Variants in DIP2B observed in about 807,000 individuals in gnomAD.
DIP2B encodes DIP2 acetate--CoA ligase B (putative), also known as disco-interacting protein 2 homolog B.
A neutral mutation model predicts 198.0 loss-of-function variants in DIP2B; 76 were observed. That is an observed-to-expected ratio of 0.38 (90% CI 0.32 to 0.46). The LOEUF (loss-of-function observed/expected upper bound fraction) is 0.46. DIP2B is among the 20% of genes least tolerant of loss of function. The probability of loss-of-function intolerance (pLI) is 0.99; values close to 1 mark genes in which losing one functional copy is unlikely to be tolerated. For synonymous variants in DIP2B, 701 were observed against 739.1 expected (o/e 0.95, Z 0.84); for missense variants, 1,559 against 1,978.4 (o/e 0.79, Z 4.02).
intron 2 of DIP2B, 120 bp downstream of exon 2, chr12:50,626,167 A>G (rs1937930858): frequency 9.2e-6 from 9 of 982,102 alleles, no homozygotes; most frequent in Admixed American, 2.6e-5. Flanking sequence ...CAGGGGAGAG[A>G]AAAAAACGGA....
chr12:50,708,293 C>T (rs751330755), intron 21 of DIP2B, among the ~76,000 whole-genome samples, 155 bp from the exon 22 acceptor site: 10 of 152,196 alleles, frequency 6.6e-5, no homozygotes, highest in Non-Finnish European at 1.2e-4. Context: ...TGAATGAATG[C>T]TCATTTTGAG....
chr12:50,572,231 T>C (rs1008128002), intron 1 of DIP2B, among the ~76,000 whole-genome samples: 1 of 152,236 alleles, frequency 6.6e-6, no homozygotes, highest in African/African-American at 2.4e-5. Context: ...TGTGTTGATA[T>C]AAAAATATTA....
chr12:50,701,451 G>T (rs933578595), intron 19 of DIP2B, among the ~76,000 whole-genome samples: 1 of 152,136 alleles, frequency 6.6e-6, no homozygotes, highest in Non-Finnish European at 1.5e-5. Flanking sequence ...GTGCAATCTC[G>T]GCTCACTGCA....
At chr12:50,579,170 A>G (rs1313732697) in intron 1 of DIP2B, among the ~76,000 whole-genome samples, 2 of 152,180 alleles carry the variant, frequency 1.3e-5, no homozygotes. Flanking sequence ...TAAATGAGAG[A>G]TAAACTATGG....
Position 50,739,557 on chromosome 12 carries a change from G to A in DIP2B, c.4325G>A (p.Arg1442His), listed in dbSNP as rs751662152. The change falls in exon 36 of 38, where the codon CGC (arginine) becomes CAC (histidine). Residue 1442 changes from arginine to histidine, a missense_variant. Arg to His is a conservative substitution (Grantham distance 29, BLOSUM62 0). Transcript: ENST00000301180. ...WARTGYLGFVRRTELTAATGE... is the reference protein window; with the variant it reads ...WARTGYLGFVHRTELTAATGE... ...CGGACAGGATACCTTGGTTTTGTCCGCCGGACCGAGCTCACAGCGGCCACT... is the reference window on the plus strand; with the variant it reads ...CGGACAGGATACCTTGGTTTTGTCCACCGGACCGAGCTCACAGCGGCCACT... 7.4e-6 allele frequency: 12 copies of A among 1,613,818 alleles called. No homozygotes were observed. The South Asian group carries it at 9.9e-5, about 13-fold the overall frequency.
intron 1 of DIP2B, among the ~76,000 whole-genome samples, chr12:50,592,192 A>AT (rs1180478725): frequency 6.7e-6 from 1 of 150,264 alleles, no homozygotes; most frequent in Non-Finnish European, 1.5e-5. Flanking sequence ...CTTTATTTTT[A>AT]TTTTTTTAGA....
chr12:50,536,861 A>C (rs1388040830), intron 1 of DIP2B, among the ~76,000 whole-genome samples: 1 of 140,342 alleles, frequency 7.1e-6, no homozygotes, highest in Non-Finnish European at 1.6e-5. Context: ...GAGCCACAAT[A>C]ATTGTATTTT....
chr12:50,521,017 C>G (rs1394734836), intron 1 of DIP2B, among the ~76,000 whole-genome samples: 2 of 151,544 alleles, frequency 1.3e-5, no homozygotes, highest in African/African-American at 4.9e-5. Flanking sequence ...TGACGTTCCT[C>G]TCATCATGAA....
chr12:50,656,216 C>T (rs1429137672), intron 3 of DIP2B, among the ~76,000 whole-genome samples: 1 of 152,052 alleles, frequency 6.6e-6, no homozygotes, highest in African/African-American at 2.4e-5. Flanking sequence ...ACCAAAAGGG[C>T]TTAGAAAAGA....
chr12:50,712,699 G>A (rs1939640820), intron 22 of DIP2B, among the ~76,000 whole-genome samples: 1 of 152,152 alleles, frequency 6.6e-6, no homozygotes, highest in African/African-American at 2.4e-5. Flanking sequence ...ACGAGGTCAG[G>A]AGTTCGAGAC....
intron 1 of DIP2B, among the ~76,000 whole-genome samples, chr12:50,512,880 A>C (rs1958030644): frequency 6.6e-6 from 1 of 152,070 alleles, no homozygotes; most frequent in Non-Finnish European, 1.5e-5. Flanking sequence ...GGCGGCATGC[A>C]CCTGTAGTCC....
intron 1 of DIP2B, among the ~76,000 whole-genome samples, chr12:50,625,371 G>T (rs926883202): frequency 6.6e-6 from 1 of 152,064 alleles, no homozygotes; most frequent in African/African-American, 2.4e-5. Flanking sequence ...GCACTAATTT[G>T]TGCATCATAC....
At chr12:50,630,663 CTTTTTTTTTTTT>C (rs11327858) in intron 2 of DIP2B, among the ~76,000 whole-genome samples, 17 of 74,570 alleles carry the variant, frequency 2.3e-4, no homozygotes, top group African/African-American at 4.5e-4. Context: ...TCTTTCTTTT[CTTTTTTTTTTTT>C]TTTTTTTTTT....
At chr12:50,629,632 T>C (rs141845446) in intron 2 of DIP2B, among the ~76,000 whole-genome samples, 60 of 152,280 alleles carry the variant, frequency 3.9e-4, no homozygotes, top group Non-Finnish European at 2.9e-4. Context: ...AACTGCATAC[T>C]TAACATCTCC....
At chr12:50,567,914 C>G (rs977569549) in intron 1 of DIP2B, among the ~76,000 whole-genome samples, 8 of 152,116 alleles carry the variant, frequency 5.3e-5, no homozygotes, top group Admixed American at 3.9e-4. Flanking sequence ...GTCATATTTT[C>G]TTGGTCCTTT....
intron 4 of DIP2B, among the ~76,000 whole-genome samples, chr12:50,663,297 G>A (rs1431505613): frequency 6.6e-6 from 1 of 151,768 alleles, no homozygotes; most frequent in Admixed American, 6.6e-5. Context: ...TGGTGGCAGC[G>A]CCTGAAGTCC....
intron 23 of DIP2B, among the ~76,000 whole-genome samples, chr12:50,717,413 T>TG (rs1178168338): frequency 1.6e-5 from 2 of 128,010 alleles, no homozygotes; most frequent in African/African-American, 6.0e-5. Flanking sequence ...TCGCCCAGGC[T>TG]GGAGTGCAGT....
chr12:50,521,356 C>T (rs1958117511), intron 1 of DIP2B, among the ~76,000 whole-genome samples: 1 of 152,026 alleles, frequency 6.6e-6, no homozygotes, highest in Non-Finnish European at 1.5e-5. Flanking sequence ...CCACCCGCCT[C>T]AGCCTCCCAA....
chr12:50,569,704 C>T (rs939463347), intron 1 of DIP2B, among the ~76,000 whole-genome samples: 1 of 152,178 alleles, frequency 6.6e-6, no homozygotes, highest in Non-Finnish European at 1.5e-5. Context: ...CTGTGTTTTA[C>T]TAAACTATAC....
Sources: allele counts gnomAD v4.1 joint callset (sites outside exome capture counted in the v4.1 genomes callset), GRCh38; gene constraint gnomAD v4.1.1; transcripts MANE v1.5; gene names NCBI Gene and HGNC (gene_info 2026-07-23, HGNC 2026-07-21).